Variants in CSMD1 observed in about 807,000 individuals in gnomAD.
CSMD1 encodes the protein CUB and Sushi multiple domains 1, also known as CUB and sushi domain-containing protein 1.
In CSMD1, 213 loss-of-function variants were observed where a neutral mutation model predicts 417.5. The observed-to-expected ratio is 0.51, with a 90% CI of 0.46 to 0.57. The LOEUF (loss-of-function observed/expected upper bound fraction) is 0.57, where lower values mean the gene tolerates loss of function less well. CSMD1 is among the 20% of genes least tolerant of loss of function. The probability of loss-of-function intolerance (pLI) is 0.00; values close to 1 mark genes in which losing one functional copy is unlikely to be tolerated. For missense variants in CSMD1, 6,923 were observed against 4,529.7 expected (o/e 1.53, Z -15.17); for synonymous variants, 2,862 against 1,736.8 (o/e 1.65, Z -16.11).
chr8:4,361,518 A>G (rs1185717549), intron 3 of CSMD1, among the ~76,000 whole-genome samples: 1 of 152,184 alleles, frequency 6.6e-6, no homozygotes, highest in African/African-American at 2.4e-5. Context: ...GGCCTGCAAG[A>G]TCAGGTAACG....
chr8:4,304,307 T>C (rs527401940), intron 3 of CSMD1, among the ~76,000 whole-genome samples: 8 of 152,216 alleles, frequency 5.3e-5, no homozygotes, highest in Admixed American at 6.5e-5. Context: ...ATAGAATATA[T>C]AGAAGATATT....
intron 5 of CSMD1, among the ~76,000 whole-genome samples, chr8:3,898,445 A>T (rs181140515): frequency 6.6e-6 from 1 of 152,358 alleles, no homozygotes; most frequent in Non-Finnish European, 1.5e-5. Context: ...CATGTCATCA[A>T]GTAAGTTGAA....
chr8:4,753,406 CACACACACACA>C (rs1811469019), intron 1 of CSMD1, among the ~76,000 whole-genome samples: 5 of 52,590 alleles, frequency 9.5e-5, no homozygotes, highest in Non-Finnish European at 1.6e-4. Flanking sequence ...CCATAAACCA[CACACACACACA>C]CACACACACA....
At chr8:4,072,177 C>G (rs1799593084) in intron 3 of CSMD1, among the ~76,000 whole-genome samples, 1 of 152,162 alleles carries the variant, frequency 6.6e-6, no homozygotes, top group Admixed American at 6.5e-5. Flanking sequence ...CTACTAGTTT[C>G]CAGGTGTTTT....
rs548966255 is a variant in CSMD1 at position 4,069,168 on chromosome 8, T to C, written c.416-37069A>G. ...GGAGACTGGTTGCAAATATATACTA[T>C]GATGGGTAGGCATAAAACCACATAC... On this transcript the variant is annotated intron_variant, in intron 3 of 69. Transcript: ENST00000635120. Among the ~76,000 whole-genome samples the C allele has an allele frequency of 3.8e-3, 577 of 152,300 alleles. 3 individuals are homozygous for C. Among genetic ancestry groups the C allele is most frequent in the African/African-American group, 0.013 (554 of 41,556 alleles).
intron 1 of CSMD1, among the ~76,000 whole-genome samples, chr8:4,880,990 T>C (rs1803360104): frequency 6.6e-6 from 1 of 152,080 alleles, no homozygotes. Context: ...AAACCAGTAA[T>C]GAGGCCTTTC....
rs939121013 is a variant in CSMD1, at chr8:4,138,296, C to A, written c.416-106197G>T. 6.8e-5 allele frequency among the ~76,000 whole-genome samples: 10 copies of A among 147,680 alleles called. 1 individual carries two copies. The highest frequency in any genetic ancestry group is 2.5e-4 in the African/African-American group (10 of 39,652). On this transcript the variant is annotated intron_variant, in intron 3 of 69. Transcript: ENST00000635120. ...AAACTAAATGGCAAGATGCAGGTTT[C>A]AGAATCATACACTTCAGAGTTGAGA...
chr8:4,550,874 C>T (rs1381510505), intron 2 of CSMD1, among the ~76,000 whole-genome samples: 1 of 152,108 alleles, frequency 6.6e-6, no homozygotes, highest in Non-Finnish European at 1.5e-5. Context: ...ATACTTTGAT[C>T]CTATCATTTT....
intron 2 of CSMD1, among the ~76,000 whole-genome samples, chr8:4,535,825 T>C (rs903255935): frequency 6.6e-6 from 1 of 152,180 alleles, no homozygotes; most frequent in Non-Finnish European, 1.5e-5. Flanking sequence ...TTAAAGGAAA[T>C]ACATCGTGAG....
At chr8:3,043,948 C>T (rs10089936) in intron 50 of CSMD1, among the ~76,000 whole-genome samples, 38,971 of 151,790 alleles carry the variant, frequency 0.26, 5,135 homozygotes, top group East Asian at 0.45. Flanking sequence ...AAAATGTCTC[C>T]ACATATTGGA....
At chr8:3,119,384 T>TAA (rs34060531) in intron 41 of CSMD1, among the ~76,000 whole-genome samples, 5,591 of 87,956 alleles carry the variant, frequency 0.064, 1,171 homozygotes, top group Non-Finnish European at 0.091. Context: ...AGTCTTTTTC[T>TAA]AAAAAAAAAA....
intron 1 of CSMD1, among the ~76,000 whole-genome samples, chr8:4,848,093 CTG>C (rs916565196): frequency 2.6e-4 from 39 of 152,188 alleles, no homozygotes; most frequent in African/African-American, 9.2e-4. Flanking sequence ...GGTTTTGCAA[CTG>C]TGTTATTTTT....
In CSMD1 at chr8:4,181,635, T is replaced by C. The variant is rs76516575; in HGVS notation, c.416-149536A>G. Among the ~76,000 whole-genome samples, 61 of 152,296 alleles carry C rather than the reference T, an allele frequency of 4.0e-4. 3 individuals carry two copies. In the East Asian group the frequency reaches 0.011, roughly 27 times the overall value. On this transcript the variant is annotated intron_variant, in intron 3 of 69. Transcript: ENST00000635120. ...AAAATTCATTTATATTTACATTCCA[T>C]TGCCTGTAAGAAAAGTTATAGATGA...
chr8:3,178,576 T>C (rs991360070), intron 37 of CSMD1, among the ~76,000 whole-genome samples: 1 of 152,148 alleles, frequency 6.6e-6, no homozygotes, highest in African/African-American at 2.4e-5. Flanking sequence ...TTATTAACAG[T>C]GTGGCTAGGA....
intron 3 of CSMD1, among the ~76,000 whole-genome samples, chr8:4,378,525 C>A (rs569148726): frequency 8.5e-5 from 13 of 152,326 alleles, no homozygotes; most frequent in Admixed American, 3.3e-4. Flanking sequence ...TTCATATTCG[C>A]TGAAGTCACC....
At chr8:4,901,585 G>T in intron 1 of CSMD1, among the ~76,000 whole-genome samples, 1 of 152,194 alleles carries the variant, frequency 6.6e-6, no homozygotes, top group Middle Eastern at 3.4e-3. Flanking sequence ...GTTTCTTTAC[G>T]TTTCCGGACA....
chr8:3,087,550 G>A (rs534458018), intron 48 of CSMD1, among the ~76,000 whole-genome samples: 85 of 152,328 alleles, frequency 5.6e-4, no homozygotes, highest in Non-Finnish European at 1.1e-3. Context: ...AACATCAAGA[G>A]TATCCAATCT....
intron 3 of CSMD1, among the ~76,000 whole-genome samples, chr8:4,054,902 C>G (rs1489720557): frequency 6.6e-6 from 1 of 152,070 alleles, no homozygotes; most frequent in African/African-American, 2.4e-5. Flanking sequence ...TCTGCCTGTG[C>G]CCTGAGCTCT....
At position 3,075,077 on chromosome 8, in the gene CSMD1, C is replaced by T. The variant is rs547561047; in HGVS notation, c.7474+12020G>A. On this transcript the variant is annotated intron_variant, in intron 49 of 69. Transcript: ENST00000635120. ...AAAGCATGTAACACCTCCCCTCTCA[C>T]TCTCTCTTGCTCCTACTTTTGCTAG... is the stretch of plus-strand genomic sequence containing the variant. Among the ~76,000 whole-genome samples, 7 of 152,170 alleles carry T rather than the reference C, an allele frequency of 4.6e-5. No homozygotes were observed. The East Asian group carries it at 1.2e-3, about 25-fold the overall frequency.
Sources: gnomAD v4.1 joint callset for allele counts (sites outside exome capture counted in the v4.1 genomes callset) on GRCh38, gnomAD v4.1.1 for gene constraint, MANE v1.5 for transcripts, NCBI Gene and HGNC (gene_info 2026-07-23, HGNC 2026-07-21) for gene names.